Variants in PCOLCE2 observed in about 807,000 individuals in gnomAD.
PCOLCE2 encodes the protein procollagen C-proteinase enhancer 2.
PCOLCE2 carries 42 observed loss-of-function variants against 47.0 expected under a neutral mutation model. That is an observed-to-expected ratio of 0.89 (90% CI 0.70 to 1.16). The LOEUF (loss-of-function observed/expected upper bound fraction) is 1.16. Ranked by LOEUF, PCOLCE2 falls within the 50% of genes most tolerant of loss-of-function variation. The pLI, the probability that PCOLCE2 is intolerant of heterozygous loss-of-function variation, is 0.00. For missense variants in PCOLCE2, 500 were observed against 526.1 expected (o/e 0.95, Z 0.49); for synonymous variants, 169 against 191.7 (o/e 0.88, Z 0.98).
chr3:142,881,541 C>G (rs1933620128), intron 2 of PCOLCE2, among the ~76,000 whole-genome samples: 1 of 152,014 alleles, frequency 6.6e-6, no homozygotes, highest in African/African-American at 2.4e-5. Flanking sequence ...TTTATACAAA[C>G]CTAGATTGTA....
chr3:142,875,106 T>C (rs1243710257), intron 2 of PCOLCE2, among the ~76,000 whole-genome samples: 1 of 152,244 alleles, frequency 6.6e-6, no homozygotes, highest in Non-Finnish European at 1.5e-5. Flanking sequence ...TCATTAAAAT[T>C]ATAATATCAT....
intron 3 of PCOLCE2, 179 bp from the exon 4 acceptor site, chr3:142,843,227 A>G (rs1286028429): frequency 1.5e-6 from 1 of 684,420 alleles, no homozygotes; most frequent in South Asian, 1.5e-5. Context: ...AACACACACA[A>G]TGAATGATCT....
intron 6 of PCOLCE2, among the ~76,000 whole-genome samples, chr3:142,828,951 G>A (rs1937115689): frequency 1.3e-5 from 2 of 152,202 alleles, no homozygotes; most frequent in Non-Finnish European, 2.9e-5. Context: ...CCCAGCCTAG[G>A]TGTACATGGA....
At chr3:142,826,981 T>A in intron 6 of PCOLCE2, 1 of 581,506 alleles carries the variant, frequency 1.7e-6, no homozygotes, top group East Asian at 3.7e-5. Context: ...CTCCTCCTCC[T>A]GCCCTCAATC....
intron 2 of PCOLCE2, among the ~76,000 whole-genome samples, chr3:142,863,211 T>TA (rs141180375): frequency 0.021 from 3,166 of 151,432 alleles, 38 homozygotes; most frequent in Non-Finnish European, 0.033. Context: ...TGACAGCAGG[T>TA]AAAAAACAAA....
intron 2 of PCOLCE2, among the ~76,000 whole-genome samples, chr3:142,886,902 G>A (rs1933726568): frequency 6.6e-6 from 1 of 152,124 alleles, no homozygotes; most frequent in Admixed American, 6.5e-5. Context: ...TCCTCCAGTG[G>A]CACAATCTGA....
At chr3:142,879,208 G>T (rs1933557398) in intron 2 of PCOLCE2, among the ~76,000 whole-genome samples, 1 of 151,876 alleles carries the variant, frequency 6.6e-6, no homozygotes, top group African/African-American at 2.4e-5. Flanking sequence ...AGGAAAGAAT[G>T]ATTTTTGTTT....
intron 6 of PCOLCE2, among the ~76,000 whole-genome samples, chr3:142,824,562 T>C (rs1007380891): frequency 2.0e-5 from 3 of 152,216 alleles, no homozygotes; most frequent in Non-Finnish European, 2.9e-5. Context: ...AGAATTGCCC[T>C]TGTTGGGTGA....
chr3:142,854,560 G>C (rs1933029324), intron 2 of PCOLCE2, among the ~76,000 whole-genome samples: 1 of 152,146 alleles, frequency 6.6e-6, no homozygotes, highest in African/African-American at 2.4e-5. Flanking sequence ...AACATATTTT[G>C]ATTGTAGAAA....
At chr3:142,872,284 TA>T (rs2108208469) in intron 2 of PCOLCE2, among the ~76,000 whole-genome samples, 1 of 152,254 alleles carries the variant, frequency 6.6e-6, no homozygotes, top group African/African-American at 2.4e-5. Context: ...AGTCCCTTTG[TA>T]AATAACCCCC....
intron 2 of PCOLCE2, among the ~76,000 whole-genome samples, chr3:142,853,326 A>G (rs1235751746): frequency 1.3e-5 from 2 of 152,108 alleles, no homozygotes; most frequent in East Asian, 3.9e-4. Context: ...AGACATGCCT[A>G]AACACCCCCA....
chr3:142,821,131 T>C lies in PCOLCE2; in HGVS notation c.950-86A>G, dbSNP rs144685579. On this transcript the variant is annotated intron_variant, in intron 7 of 8. Transcript: ENST00000295992. ...AAACAAGTTTACATTCTTCTAAGTTTCAGATACGAAACATTTTAATGTTAA... is the reference window on the plus strand; with the variant it reads ...AAACAAGTTTACATTCTTCTAAGTTCCAGATACGAAACATTTTAATGTTAA... 9.4e-5 allele frequency: 98 copies of C among 1,043,908 alleles called. 1 individual carries two copies. In the East Asian group the frequency reaches 1.8e-3, roughly 19 times the overall value. 64.7% of individuals were successfully genotyped at this position (1,043,908 alleles called of 1,614,324 possible).
rs538866086 is a variant in PCOLCE2 at position 142,850,534 on chromosome 3, G to A, written c.193-2062C>T. 1.6e-4 allele frequency among the ~76,000 whole-genome samples: 24 copies of A among 152,208 alleles called. No individual in the cohort carries two copies. In the South Asian group the frequency reaches 4.6e-3, roughly 29 times the overall value. On this transcript the variant is annotated intron_variant, in intron 2 of 8. Transcript: ENST00000295992. ...CAAGTAGGAGGCAACCAAAGTGTGT[G>A]GCGTCTGGAAGCCAGGCGAAGAGAG...
intron 6 of PCOLCE2, chr3:142,827,121 T>C (rs1203566337): frequency 1.1e-5 from 16 of 1,448,526 alleles, no homozygotes; most frequent in Non-Finnish European, 1.5e-5. Flanking sequence ...CTGCACAGTC[T>C]TGGTTCCCCA....
chr3:142,855,714 C>CCTAG (rs1420056683), intron 2 of PCOLCE2, among the ~76,000 whole-genome samples: 3 of 152,182 alleles, frequency 2.0e-5, no homozygotes, highest in African/African-American at 7.2e-5. Context: ...TACCTCCAGG[C>CCTAG]CTAGCCATAA....
chr3:142,837,472 T>C (rs904371507), intron 5 of PCOLCE2, among the ~76,000 whole-genome samples: 1 of 152,084 alleles, frequency 6.6e-6, no homozygotes, highest in South Asian at 2.1e-4. Context: ...GTAAATGTAA[T>C]AGAAAATACC....
chr3:142,826,457 G>C (rs1474468898), intron 6 of PCOLCE2, among the ~76,000 whole-genome samples: 1 of 152,148 alleles, frequency 6.6e-6, no homozygotes, highest in Non-Finnish European at 1.5e-5. Context: ...CATGCCTTCT[G>C]TGAGTCCTCT....
At chr3:142,851,093 A>C (rs2108198853) in intron 2 of PCOLCE2, among the ~76,000 whole-genome samples, 1 of 152,336 alleles carries the variant, frequency 6.6e-6, no homozygotes, top group African/African-American at 2.4e-5. Context: ...AAGCATATAT[A>C]GAATTTTTTT....
At chr3:142,849,475 T>G (rs1208196749) in intron 2 of PCOLCE2, among the ~76,000 whole-genome samples, 3 of 152,196 alleles carry the variant, frequency 2.0e-5, no homozygotes, top group Non-Finnish European at 2.9e-5. Flanking sequence ...TATCATAATA[T>G]TTTATTCATC....
Sources: gnomAD v4.1 joint callset for allele counts (sites outside exome capture counted in the v4.1 genomes callset) on GRCh38, gnomAD v4.1.1 for gene constraint, MANE v1.5 for transcripts, NCBI Gene and HGNC (gene_info 2026-07-23, HGNC 2026-07-21) for gene names.